Variants in URB2 observed in about 807,000 individuals in gnomAD.
URB2 encodes URB2 ribosome biogenesis homolog, also known as unhealthy ribosome biogenesis protein 2 homolog.
Under a neutral mutation model 120.9 loss-of-function variants are expected in URB2, and 86 were observed. That is an observed-to-expected ratio of 0.71 (90% confidence interval 0.60 to 0.85). The LOEUF is 0.85. Among genes scored for constraint, URB2 ranks in the 40% least tolerant of loss-of-function variants. The pLI is 0.00. For synonymous variants in URB2, 755 were observed against 758.4 expected, an observed-to-expected ratio of 1.00 and a Z score of 0.07; for missense variants, 1,765 against 1,836.5, an observed-to-expected ratio of 0.96 and a Z score of 0.71.
At chr1:229,653,433 CT>C (rs1197543203) in intron 8 of URB2, among the ~76,000 whole-genome samples, 1 of 152,192 alleles carries the variant, frequency 6.6e-6, no homozygotes, top group Non-Finnish European at 1.5e-5. Context: ...CCTCTTGTTT[CT>C]TTGCAGTTTT....
chr1:229,627,808 T>C lies in URB2; in HGVS notation c.126+49T>C, dbSNP rs749100962. 3.2e-6 allele frequency: 5 copies of C among 1,549,288 alleles called. No individual in the cohort carries two copies. The South Asian group carries it at 3.8e-5, about 12-fold the overall frequency. On this transcript the variant is annotated intron_variant, in intron 2 of 9. Coordinates refer to ENST00000258243, the MANE Select transcript of URB2 (RefSeq NM_014777.4). The stretch of plus-strand genomic sequence containing the variant: ...TTTTTACAGTCTGTCAAGATAATTA[T>C]CACTTTTATAATTTGGATATTGACA...
chr1:229,654,971 G>C (rs1666373072), intron 9 of URB2, among the ~76,000 whole-genome samples: 3 of 152,162 alleles, frequency 2.0e-5, no homozygotes, highest in Admixed American at 2.0e-4. Context: ...AAGAACAGGA[G>C]CTCTCATAGG....
intron 6 of URB2, among the ~76,000 whole-genome samples, chr1:229,647,031 G>A (rs534239226): frequency 2.0e-5 from 3 of 152,318 alleles, no homozygotes; most frequent in South Asian, 2.1e-4. Context: ...GGAGAGGCAC[G>A]TGACCCATGC....
intron 7 of URB2, among the ~76,000 whole-genome samples, chr1:229,649,694 T>G (rs542406732): frequency 1.3e-5 from 2 of 152,286 alleles, no homozygotes; most frequent in Admixed American, 1.3e-4. Flanking sequence ...CAGAATCCTC[T>G]TAGGTGCATC....
intron 7 of URB2, among the ~76,000 whole-genome samples, chr1:229,649,441 G>T (rs1666220853): frequency 6.6e-6 from 1 of 152,220 alleles, no homozygotes. Flanking sequence ...TGAAGTTGAT[G>T]AAAGTAATAC....
In URB2 at chr1:229,627,684, T is replaced by C; in HGVS notation, c.51T>C (p.Thr17=). ...CCCTTAAGCTTAAAAGCAAGACAACTTCCTGGGAAGATAAACTAAAACTAG... is the reference window on the plus strand; with the variant it reads ...CCCTTAAGCTTAAAAGCAAGACAACCTCCTGGGAAGATAAACTAAAACTAG... ...GISLKLKSKT[T]SWEDKLKLAH... is the part of the protein sequence containing the mutation. Residue 17 remains threonine (T), a synonymous_variant, in exon 2 of 10, where the codon ACT becomes ACC. Transcript: ENST00000258243. The C allele has an allele frequency of 1.2e-6, 2 of 1,613,622 alleles. No individual in the cohort carries two copies. Among genetic ancestry groups the C allele is most frequent in the Non-Finnish European group, 1.7e-6 (2 of 1,179,746 alleles).
Position 229,637,287 on chromosome 1 carries a change from G to C in URB2, c.2674G>C (p.Glu892Gln), listed in dbSNP as rs367940734. 7 of 1,614,088 alleles carry C rather than the reference G, an allele frequency of 4.3e-6. No homozygotes were observed. Among genetic ancestry groups the C allele is most frequent in the African/African-American group, 2.7e-5 (2 of 74,932 alleles). Residue 892 changes from glutamate to glutamine, a missense_variant, in exon 4 of 10, where the codon GAA (glutamate) becomes CAA (glutamine). Glu to Gln is a conservative substitution (Grantham distance 29, BLOSUM62 2). Coordinates refer to ENST00000258243, the MANE Select transcript of URB2 (RefSeq NM_014777.4). ...FPIQLEGEQL[E>Q]SILGLLEVIS... ...TATCCAGCTGGAGGGAGAGCAGTTG[G>C]AAAGCATCCTGGGGCTTTTGGAAGT...
Position 229,635,841 on chromosome 1 carries a change from C to T in URB2, c.1228C>T (p.Arg410Cys), listed in dbSNP as rs1349140717. 3.1e-6 allele frequency: 5 copies of T among 1,614,136 alleles called. No individual in the cohort carries two copies. Among genetic ancestry groups the T allele is most frequent in the South Asian group, 2.2e-5 (2 of 91,088 alleles). Residue 410 changes from arginine (R) to cysteine (C), a missense_variant, in exon 4 of 10, where the codon CGC (arginine) becomes TGC (cysteine). Transcript: ENST00000258243. ...HAQAPIPAWF[R>C]CLKTLISLNH... ...ACAAGCACCCATACCGGCCTGGTTC[C>T]GCTGTCTGAAGACTTTGATATCTCT...
Position 229,635,627 on chromosome 1 carries a change from A to C in URB2, c.1014A>C (p.Ser338=). The C allele has an allele frequency of 6.2e-7, 1 of 1,614,052 alleles. No individual in the cohort carries two copies. Among genetic ancestry groups the C allele is most frequent in the Non-Finnish European group, 8.5e-7 (1 of 1,180,016 alleles). The part of the protein sequence containing the change: ...LPRLFGCLKI[S]HLQEEQSKAL... Reference sequence around the variant, plus strand: ...GGTTGTTTGGCTGCTTGAAGATTTCACACCTGCAGGAGGAGCAGAGCAAAG... The same window carrying C: ...GGTTGTTTGGCTGCTTGAAGATTTCCCACCTGCAGGAGGAGCAGAGCAAAG... The change falls in exon 4 of 10, where the codon TCA becomes TCC. Residue 338 remains serine, a synonymous_variant. Transcript: ENST00000258243.
intron 5 of URB2, 109 bp downstream of exon 5, chr1:229,643,802 T>C: frequency 7.1e-7 from 1 of 1,404,170 alleles, no homozygotes; most frequent in Non-Finnish European, 9.6e-7. Context: ...AAGTTCTAAC[T>C]GGTAGAGACT....
intron 7 of URB2, among the ~76,000 whole-genome samples, chr1:229,648,721 G>T (rs1666206597): frequency 6.6e-6 from 1 of 152,182 alleles, no homozygotes; most frequent in Non-Finnish European, 1.5e-5. Flanking sequence ...TGTTATCTTT[G>T]ACCAGTGTTC....
Position 229,636,893 on chromosome 1 carries a change from A to C in URB2, c.2280A>C (p.Gly760=). The C allele has an allele frequency of 6.2e-7, 1 of 1,611,302 alleles. No individual in the cohort carries two copies. The highest frequency in any genetic ancestry group is 8.5e-7 in the Non-Finnish European group (1 of 1,178,274). ...LISYLCPDDV[G]YLASVLLRTL... ...CCTATCTGTGTCCAGATGATGTGGG[A>C]TACCTGGCCAGTGTCCTGCTGAGAA... Residue 760 remains glycine, a synonymous_variant, in exon 4 of 10, where the codon GGA becomes GGC. Coordinates refer to ENST00000258243, the MANE Select transcript of URB2 (RefSeq NM_014777.4).
intron 2 of URB2, among the ~76,000 whole-genome samples, chr1:229,629,642 T>C (rs769943420): frequency 2.0e-5 from 3 of 152,248 alleles, no homozygotes; most frequent in Non-Finnish European, 4.4e-5. Context: ...TAGGGAGTCA[T>C]CATGCTGGAG....
At chr1:229,645,830 G>A in intron 5 of URB2, 29 bp from the exon 6 acceptor site, 1 of 1,593,754 alleles carries the variant, frequency 6.3e-7, no homozygotes, top group Non-Finnish European at 8.6e-7. Context: ...CGCTATCTCT[G>A]CCGCTAAGTT....
intron 8 of URB2, among the ~76,000 whole-genome samples, chr1:229,652,583 GCA>G (rs1249235821): frequency 6.6e-6 from 1 of 152,262 alleles, no homozygotes; most frequent in African/African-American, 2.4e-5. Flanking sequence ...CTGGTGCAGA[GCA>G]CGTCAGCTTC....
At chr1:229,656,943 A>C (rs1442988429) in intron 9 of URB2, among the ~76,000 whole-genome samples, 2 of 152,244 alleles carry the variant, frequency 1.3e-5, no homozygotes, top group Non-Finnish European at 2.9e-5. Context: ...CATTAGTTGA[A>C]ATGCATTCAG....
chr1:229,642,207 G>A (rs899064018), intron 4 of URB2, among the ~76,000 whole-genome samples: 11 of 152,190 alleles, frequency 7.2e-5, no homozygotes, highest in African/African-American at 2.2e-4. Context: ...TACAGGCCAC[G>A]TGTGAGTGGC....
At chr1:229,631,303 TC>T (rs34604621) in intron 2 of URB2, among the ~76,000 whole-genome samples, 57,221 of 152,098 alleles carry the variant, frequency 0.38, 11,521 homozygotes, top group South Asian at 0.48. Context: ...GGTTTGATCT[TC>T]TATCCAGACC....
Position 229,626,283 on chromosome 1 carries a change from C to G in URB2, c.-87C>G, listed in dbSNP as rs972894932. The G allele has an allele frequency of 6.5e-6, 1 of 153,744 alleles. No homozygotes were observed. The highest frequency in any genetic ancestry group is 2.4e-5 in the African/African-American group (1 of 41,488). 9.5% of individuals were successfully genotyped at this position (153,744 alleles called of 1,614,324 possible). On this transcript the variant is annotated 5_prime_UTR_variant, in exon 1 of 10. Transcript: ENST00000258243. ...TCCGCCGCACCGGGACAGCAGCCGC[C>G]GCCGCTGCCGCCGTCCTCCCCTGTC... is the stretch of plus-strand genomic sequence containing the variant.
Sources: allele counts gnomAD v4.1 joint callset (sites outside exome capture counted in the v4.1 genomes callset), GRCh38; gene constraint gnomAD v4.1.1; transcripts MANE v1.5; gene names NCBI Gene and HGNC (gene_info 2026-07-23, HGNC 2026-07-21).